The following MYO9B variants were observed in gnomAD, a reference collection of about 807,000 sequenced individuals.
MYO9B encodes the protein unconventional myosin-IXb.
MYO9B carries 71 observed loss-of-function variants against 229.5 expected under a neutral mutation model. The observed-to-expected ratio is 0.31, with a 90% CI of 0.26 to 0.38. The LOEUF is 0.38. Ranked by LOEUF, MYO9B falls within the 10% of genes least tolerant of loss-of-function variation. MYO9B has a pLI of 1.00. For missense variants in MYO9B, 2,255 were observed against 2,920.5 expected (o/e 0.77, Z 5.25); for synonymous variants, 1,185 against 1,235.8 (o/e 0.96, Z 0.86).
chr19:17,135,219 T>C (rs1017647735), intron 2 of MYO9B, among the ~76,000 whole-genome samples: 3 of 152,172 alleles, frequency 2.0e-5, no homozygotes, highest in African/African-American at 7.2e-5. Context: ...ATAATTTTTT[T>C]CCAAAGTTTA....
chr19:17,117,417 C>T (rs961773288), intron 2 of MYO9B, among the ~76,000 whole-genome samples: 5 of 152,186 alleles, frequency 3.3e-5, no homozygotes, highest in African/African-American at 1.2e-4. Flanking sequence ...ACCCCATTCC[C>T]GGGAGTGCCC....
chr19:17,147,043 C>G (rs2049146849), intron 3 of MYO9B, among the ~76,000 whole-genome samples: 1 of 152,234 alleles, frequency 6.6e-6, no homozygotes. Context: ...GTGAGTGGCC[C>G]TTGACAAATG....
rs189487462 is a variant in MYO9B, at chr19:17,119,713, G to T, written c.840+17156G>T. ...GTCACCCAGGCTGGAGTGCAGTGGC[G>T]CAATCTCAGCTCACTGCAGGCTCCG... On this transcript the variant is annotated intron_variant, in intron 2 of 39. Coordinates refer to ENST00000682292, the MANE Select transcript of MYO9B (RefSeq NM_004145.4). Among the ~76,000 whole-genome samples the T allele has an allele frequency of 1.4e-3, 215 of 152,206 alleles. 3 individuals carry two copies. The highest frequency in any genetic ancestry group is 0.013 in the Admixed American group (193 of 15,296).
Position 17,180,936 on chromosome 19 carries a change from TA to T in MYO9B, c.2231del (p.Asn744ThrfsTer3). 6.2e-7 allele frequency: 1 copy of T among 1,606,804 alleles called. No individual in the cohort carries two copies. Among genetic ancestry groups the T allele is most frequent in the Non-Finnish European group, 8.5e-7 (1 of 1,176,792 alleles). ...PSEKLYRDLH[N>X]QMIKSIKGLP... ...CCACCCCTCCCCTCAGCGATTTGCA[TA>T]ACCAAATGATCAAGAGCATCAAAGG... is the stretch of plus-strand genomic sequence containing the variant. On this transcript the variant is annotated frameshift_variant, in exon 15 of 40. Coordinates refer to ENST00000682292, the MANE Select transcript of MYO9B (RefSeq NM_004145.4). LOFTEE classifies it high-confidence loss of function.
chr19:17,081,617 T>G (rs1676329210), intron 1 of MYO9B, among the ~76,000 whole-genome samples: 1 of 151,976 alleles, frequency 6.6e-6, no homozygotes, highest in African/African-American at 2.4e-5. Context: ...GAGACCAGCC[T>G]GGCCAACATG....
chr19:17,103,973 T>C (rs770893748), intron 2 of MYO9B, among the ~76,000 whole-genome samples: 9 of 151,732 alleles, frequency 5.9e-5, no homozygotes, highest in Non-Finnish European at 1.0e-4. Flanking sequence ...GGAGAATCGC[T>C]TGAACCCGGT....
intron 2 of MYO9B, among the ~76,000 whole-genome samples, chr19:17,126,717 T>G (rs1014782111): frequency 6.6e-6 from 1 of 150,790 alleles, no homozygotes; most frequent in African/African-American, 2.4e-5. Flanking sequence ...CAGGCTGGAA[T>G]GCAGTGGTGC....
At chr19:17,115,911 A>G (rs1204699748) in intron 2 of MYO9B, among the ~76,000 whole-genome samples, 1 of 152,128 alleles carries the variant, frequency 6.6e-6, no homozygotes, top group Non-Finnish European at 1.5e-5. Context: ...ATACGTATTC[A>G]TAAACATCCA....
chr19:17,187,862 C>T (rs1398770651), intron 18 of MYO9B, 73 bp from the exon 19 acceptor site: 3 of 1,311,048 alleles, frequency 2.3e-6, no homozygotes, highest in Non-Finnish European at 2.1e-6. Context: ...GTTCCCAGGC[C>T]TGAGCCAGCA....
At chr19:17,142,217 A>G (rs1447541563) in intron 2 of MYO9B, among the ~76,000 whole-genome samples, 1 of 151,904 alleles carries the variant, frequency 6.6e-6, no homozygotes, top group Non-Finnish European at 1.5e-5. Context: ...ACAACAGGCC[A>G]TAAGTGTATG....
At chr19:17,175,824 C>CT (rs534528766) in intron 14 of MYO9B, 83 bp downstream of exon 14, 24,439 of 495,158 alleles carry the variant, frequency 0.049, 1 homozygote, top group South Asian at 0.079. Flanking sequence ...ATGCTACATT[C>CT]TTTTTTTTTT....
At chr19:17,189,880 G>GGT (rs1048909180) in intron 19 of MYO9B, among the ~76,000 whole-genome samples, 2 of 151,810 alleles carry the variant, frequency 1.3e-5, no homozygotes, top group Non-Finnish European at 2.9e-5. Flanking sequence ...TGGCTACCAC[G>GGT]GTGAAACCCC....
intron 1 of MYO9B, among the ~76,000 whole-genome samples, chr19:17,076,610 T>A (rs749728558): frequency 1.4e-4 from 22 of 151,950 alleles, no homozygotes; most frequent in Non-Finnish European, 2.9e-4. Flanking sequence ...TTGATTCGTG[T>A]CCCTCCTGAC....
At chr19:17,106,967 G>T (rs138849672) in intron 2 of MYO9B, among the ~76,000 whole-genome samples, 1,797 of 152,320 alleles carry the variant, frequency 0.012, 45 homozygotes, top group African/African-American at 0.04. Flanking sequence ...GGAGGCTGAG[G>T]CAGGAGAATG....
At chr19:17,132,471 C>T (rs556390174) in intron 2 of MYO9B, among the ~76,000 whole-genome samples, 36 of 147,450 alleles carry the variant, frequency 2.4e-4, no homozygotes, top group African/African-American at 8.4e-4. Context: ...CAGGTGTGAA[C>T]GACAGTGCCA....
At chr19:17,114,289 C>G (rs540344403) in intron 2 of MYO9B, among the ~76,000 whole-genome samples, 1 of 152,148 alleles carries the variant, frequency 6.6e-6, no homozygotes, top group African/African-American at 2.4e-5. Context: ...AAATTCGGCA[C>G]GATTGTGGAG....
intron 22 of MYO9B, among the ~76,000 whole-genome samples, chr19:17,196,717 A>G (rs1568297422): frequency 6.6e-6 from 1 of 151,422 alleles, no homozygotes; most frequent in African/African-American, 2.4e-5. Flanking sequence ...TATGGATAGA[A>G]GGAAGATAGA....
rs539486006 is a variant in MYO9B at position 17,092,684 on chromosome 19, C to T, written c.-58-8976C>T. On this transcript the variant is annotated intron_variant, in intron 1 of 39. Transcript: ENST00000682292. ...AGGTTGCAGTGAGCTGAGATCGCACCGCTGCATTCCAGCCTGGGTGACAGA... is the reference window on the plus strand; with the variant it reads ...AGGTTGCAGTGAGCTGAGATCGCACTGCTGCATTCCAGCCTGGGTGACAGA... Among the ~76,000 whole-genome samples the T allele has an allele frequency of 3.3e-4, 48 of 146,986 alleles. No individual in the cohort carries two copies. The South Asian group carries it at 5.0e-3, about 15-fold the overall frequency.
rs1012014808 is a variant in MYO9B at position 17,090,174 on chromosome 19, G to C, written c.-58-11486G>C. On this transcript the variant is annotated intron_variant, in intron 1 of 39. Transcript: ENST00000682292. ...TTTTTTTTTTTTTGAGATAAGGTCT[G>C]GCCCTGTTGGCCAAGTTGGAGTGCA... 5.7e-5 allele frequency among the ~76,000 whole-genome samples: 6 copies of C among 104,550 alleles called. No individual in the cohort carries two copies. In the Admixed American group the frequency reaches 9.1e-4, roughly 16 times the overall value. 68.6% of individuals were successfully genotyped at this position (104,550 alleles called of 152,430 possible). A position where few individuals can be genotyped will look rare whatever the true frequency, so the allele number is the denominator to read the frequency against.
Sources: allele counts gnomAD v4.1 joint callset (sites outside exome capture counted in the v4.1 genomes callset), GRCh38; gene constraint gnomAD v4.1.1; transcripts MANE v1.5; gene names NCBI Gene and HGNC (gene_info 2026-07-23, HGNC 2026-07-21).